Variants in FMN1 observed in about 807,000 individuals in gnomAD.
FMN1 encodes formin-1.
A neutral mutation model predicts 132.4 loss-of-function variants in FMN1; 110 were observed. That is an observed-to-expected ratio of 0.83 (90% confidence interval 0.71 to 0.97). FMN1 has a LOEUF of 0.97. Ranked by LOEUF, FMN1 falls within the 50% of genes least tolerant of loss-of-function variation. The pLI is 0.00. For synonymous variants in FMN1, 722 were observed against 651.7 expected (o/e 1.11, Z -1.64); for missense variants, 1,792 against 1,705.3 (o/e 1.05, Z -0.90).
chr15:32,917,919 T>C (rs1384571829), intron 10 of FMN1, among the ~76,000 whole-genome samples: 2 of 152,170 alleles, frequency 1.3e-5, no homozygotes, highest in Non-Finnish European at 2.9e-5. Flanking sequence ...TTATGAAAAT[T>C]TCATTTATTT....
chr15:32,891,037 C>T (rs149927496), intron 15 of FMN1, among the ~76,000 whole-genome samples: 3,801 of 152,246 alleles, frequency 0.025, 85 homozygotes, highest in East Asian at 0.12. Flanking sequence ...TGTTGAAGAT[C>T]AGTTGGCTGT....
chr15:33,016,290 T>C (rs1029254357), intron 6 of FMN1, among the ~76,000 whole-genome samples: 4 of 152,210 alleles, frequency 2.6e-5, no homozygotes, highest in African/African-American at 4.8e-5. Flanking sequence ...ATTTCTAACA[T>C]TGACAAAAAT....
rs2059115576 is a variant in FMN1 at position 32,855,709 on chromosome 15, G to A, written c.3928+1306C>T. ...ATAAAGATGGAATCCAAGTACAAAT[G>A]AGCCTCATTTCAAGTTAATTCTGCA... On this transcript the variant is annotated intron_variant, in intron 17 of 20. Transcript: ENST00000616417. 2.0e-5 allele frequency among the ~76,000 whole-genome samples: 3 copies of A among 152,148 alleles called. No homozygotes were observed. The South Asian group carries it at 6.2e-4, about 32-fold the overall frequency.
chr15:33,114,855 T>TC (rs2039852882), intron 4 of FMN1, among the ~76,000 whole-genome samples: 1 of 152,178 alleles, frequency 6.6e-6, no homozygotes, highest in Admixed American at 6.6e-5. Flanking sequence ...TTAACTTTTT[T>TC]CCCCTCCCTT....
chr15:33,005,080 C>T (rs28436666), intron 7 of FMN1, among the ~76,000 whole-genome samples: 1 of 151,782 alleles, frequency 6.6e-6, no homozygotes, highest in Non-Finnish European at 1.5e-5. Flanking sequence ...AGGAGATATA[C>T]CTAATGCTAA....
chr15:33,019,041 G>A (rs577634184), intron 6 of FMN1, among the ~76,000 whole-genome samples: 1 of 152,296 alleles, frequency 6.6e-6, no homozygotes, highest in Non-Finnish European at 1.5e-5. Context: ...AAGAGGACCT[G>A]AGCGGGTTAC....
intron 4 of FMN1, among the ~76,000 whole-genome samples, chr15:33,128,246 A>G (rs1276814238): frequency 6.6e-6 from 1 of 151,494 alleles, no homozygotes; most frequent in Non-Finnish European, 1.5e-5. Context: ...ATAATTTCCA[A>G]CACCCTCAGA....
chr15:33,018,115 T>C (rs1164770543), intron 6 of FMN1, among the ~76,000 whole-genome samples: 1 of 150,740 alleles, frequency 6.6e-6, no homozygotes, highest in Non-Finnish European at 1.5e-5. Context: ...CCCCTTAAGG[T>C]GATGGTACTA....
chr15:32,879,397 A>C (rs1191363940), intron 16 of FMN1, among the ~76,000 whole-genome samples: 1 of 152,222 alleles, frequency 6.6e-6, no homozygotes, highest in African/African-American at 2.4e-5. Flanking sequence ...GAAAGAGCTA[A>C]TAAATTAGAC....
rs551221957 is a variant in FMN1, at chr15:33,145,612, G to A, written c.1867+7436C>T. Reference sequence around the variant, plus strand: ...AGTGTTGTCCCTCCCCGTGGTAGCCGCTACCCTCGGATGTGGCTCAAATTC... The same window carrying A: ...AGTGTTGTCCCTCCCCGTGGTAGCCACTACCCTCGGATGTGGCTCAAATTC... On this transcript the variant is annotated intron_variant, in intron 4 of 20. Coordinates refer to ENST00000616417, the MANE Select transcript of FMN1 (RefSeq NM_001277313.2). Among the ~76,000 whole-genome samples, 12 of 151,550 alleles carry A rather than the reference G, an allele frequency of 7.9e-5. No individual in the cohort carries two copies. In the East Asian group the frequency reaches 2.2e-3, roughly 27 times the overall value.
At chr15:32,932,443 G>A (rs2061145851) in intron 9 of FMN1, among the ~76,000 whole-genome samples, 2 of 152,180 alleles carry the variant, frequency 1.3e-5, no homozygotes, top group African/African-American at 2.4e-5. Flanking sequence ...ATATTTGTAA[G>A]AGCTAATGAC....
intron 10 of FMN1, among the ~76,000 whole-genome samples, chr15:32,924,859 A>G: frequency 6.6e-6 from 1 of 152,230 alleles, no homozygotes; most frequent in East Asian, 1.9e-4. Flanking sequence ...GGTTGCGGTG[A>G]GCCGAGATCA....
intron 6 of FMN1, among the ~76,000 whole-genome samples, chr15:33,045,850 A>T (rs1193031796): frequency 1.3e-5 from 2 of 152,210 alleles, no homozygotes; most frequent in Admixed American, 1.3e-4. Flanking sequence ...TAAATTAATC[A>T]AGGGAACCTG....
chr15:32,848,349 T>C (rs34605297), intron 17 of FMN1, among the ~76,000 whole-genome samples: 110,161 of 151,608 alleles, frequency 0.73, 40,831 homozygotes, highest in Non-Finnish European at 0.8. Context: ...TGTGTGTGCG[T>C]GCACACGTGT....
chr15:32,817,256 C>T (rs930540134), intron 17 of FMN1, among the ~76,000 whole-genome samples: 11 of 152,192 alleles, frequency 7.2e-5, no homozygotes, highest in Non-Finnish European at 1.2e-4. Context: ...ATAGCCATTG[C>T]TATCCTTAAA....
intron 6 of FMN1, among the ~76,000 whole-genome samples, chr15:33,021,359 C>T (rs1208025009): frequency 6.6e-6 from 1 of 151,798 alleles, no homozygotes; most frequent in Non-Finnish European, 1.5e-5. Context: ...AGTTTTCAGT[C>T]AAGTTAACAA....
intron 7 of FMN1, among the ~76,000 whole-genome samples, chr15:32,983,562 T>C (rs1596396546): frequency 2.0e-5 from 3 of 152,176 alleles, no homozygotes; most frequent in East Asian, 1.9e-4. Context: ...AAGTGAAACA[T>C]ATATGTTAGA....
intron 4 of FMN1, among the ~76,000 whole-genome samples, chr15:33,127,576 C>T (rs961294105): frequency 4.6e-4 from 70 of 152,338 alleles, no homozygotes; most frequent in African/African-American, 1.7e-3. Context: ...AGAAACCAGT[C>T]TGTAAGCATC....
chr15:33,056,572 A>G (rs2037225723), intron 6 of FMN1, among the ~76,000 whole-genome samples: 1 of 152,186 alleles, frequency 6.6e-6, no homozygotes, highest in Non-Finnish European at 1.5e-5. Context: ...CAGTCTGTTT[A>G]CACCTCCATT....
Sources: allele counts gnomAD v4.1 joint callset (sites outside exome capture counted in the v4.1 genomes callset), GRCh38; gene constraint gnomAD v4.1.1; transcripts MANE v1.5; gene names NCBI Gene and HGNC (gene_info 2026-07-23, HGNC 2026-07-21).